CEP295: variants seen among roughly 807,000 people sequenced by gnomAD.
CEP295 encodes the protein centrosomal protein of 295 kDa.
A neutral mutation model predicts 291.6 loss-of-function variants in CEP295; 190 were observed. The ratio of observed to expected loss-of-function variants is 0.65; its 90% confidence interval spans 0.58 to 0.73. The LOEUF is 0.73. Among genes scored for constraint, CEP295 ranks in the 30% least tolerant of loss-of-function variants. The pLI is 0.00. For missense variants in CEP295, 2,863 were observed against 2,949.4 expected (o/e 0.97, Z 0.68); for synonymous variants, 993 against 1,038.8 (o/e 0.96, Z 0.85).
In CEP295 at chr11:93,727,036, A is replaced by G. The variant is rs1292355509; in HGVS notation, c.6560A>G (p.His2187Arg). 5 of 1,551,210 alleles carry G rather than the reference A, an allele frequency of 3.2e-6. No individual in the cohort carries two copies. Among genetic ancestry groups the G allele is most frequent in the South Asian group, 2.4e-5 (2 of 83,746 alleles). The change falls in exon 24 of 30, where the codon CAT (histidine) becomes CGT (arginine). Residue 2187 changes from histidine to arginine, a missense_variant. Physicochemically the swap from His to Arg is conservative, Grantham distance 29. Around this residue, in one of 3 missense-constraint regions of CEP295, gnomAD observed 2,295 missense variants for 2,335.7 expected, o/e 0.98. Transcript: ENST00000325212. ...TATTCTTCACAGGAGGAGAGCCAGC[A>G]TGCTGATCTACCAAGTATTTTTAGC... ...PEYSSQEESQ[H>R]ADLPSIFSIE...
chr11:93,713,998 T>A (rs558694360), intron 18 of CEP295, among the ~76,000 whole-genome samples: 68 of 152,314 alleles, frequency 4.5e-4, no homozygotes, highest in African/African-American at 1.6e-3. Flanking sequence ...AATTTCTGCT[T>A]GATTCTTTTT....
chr11:93,698,760 C>T lies in CEP295; in HGVS notation c.3848C>T (p.Ser1283Phe), dbSNP rs997093504. The change falls in exon 15 of 30, where the codon TCT becomes TTT. Residue 1283 changes from serine (S) to phenylalanine (F), a missense_variant. Ser to Phe is a radical substitution (Grantham distance 155). Coordinates refer to ENST00000325212, the MANE Select transcript of CEP295 (RefSeq NM_033395.2). ...FSQKTQENTS[S>F]EQTGSSSFIP... is the part of the protein sequence containing the mutation. ...CAGAAAACCCAAGAAAATACATCTT[C>T]TGAACAAACTGGTTCATCTTCATTC... is the stretch of plus-strand genomic sequence containing the variant. 6.4e-7 allele frequency: 1 copy of T among 1,551,706 alleles called. No individual in the cohort carries two copies. The highest frequency in any genetic ancestry group is 2.0e-5 in the Admixed American group (1 of 50,990).
intron 15 of CEP295, 54 bp downstream of exon 15, chr11:93,700,240 GT>G: frequency 1.4e-6 from 2 of 1,387,836 alleles, no homozygotes; most frequent in Non-Finnish European, 1.9e-6. Context: ...ACCCAAATCA[GT>G]TTTTAATACT....
Position 93,695,608 on chromosome 11 carries a change from A to G in CEP295, c.1645A>G (p.Lys549Glu), listed in dbSNP as rs1951806344. ...CTTCAGGGCTCAGCTGGAAGAAGAA[A>G]AAAGAAAAAAAACTCAACCGACTGG... The part of the protein sequence containing the change: ...DCFRAQLEEE[K>E]RKKTQPTGVG... The change falls in exon 13 of 30, where the codon AAA becomes GAA. Residue 549 changes from lysine (K) to glutamate (E), a missense_variant. Physicochemically the swap from Lys to Glu is moderately conservative, Grantham distance 56. Coordinates refer to ENST00000325212, the MANE Select transcript of CEP295 (RefSeq NM_033395.2). 2.7e-6 allele frequency: 4 copies of G among 1,498,296 alleles called. No individual in the cohort carries two copies. The South Asian group carries it at 5.4e-5, about 20-fold the overall frequency. 92.8% of individuals were successfully genotyped at this position (1,498,296 alleles called of 1,614,324 possible).
Position 93,725,713 on chromosome 11 carries a change from C to T in CEP295, c.6381C>T (p.Phe2127=). 6.4e-7 allele frequency: 1 copy of T among 1,551,780 alleles called. No individual in the cohort carries two copies. The highest frequency in any genetic ancestry group is 8.7e-7 in the Non-Finnish European group (1 of 1,146,970). The part of the protein sequence containing the change: ...ATGLSKSTVY[F]TALRRTSMHS... The stretch of plus-strand genomic sequence containing the variant: ...GATTATCCAAAAGTACAGTTTATTT[C>T]ACAGCACTGAGGAGGACCAGCATGC... The change falls in exon 23 of 30, where the codon TTC becomes TTT. Residue 2127 remains phenylalanine (F), a synonymous_variant. Transcript: ENST00000325212.
intron 10 of CEP295, among the ~76,000 whole-genome samples, chr11:93,690,777 C>A (rs892977848): frequency 6.7e-6 from 1 of 148,328 alleles, no homozygotes; most frequent in Non-Finnish European, 1.5e-5. Context: ...TATGAGCAGG[C>A]TTTCACCATT....
intron 15 of CEP295, among the ~76,000 whole-genome samples, chr11:93,700,570 CAT>C (rs1276746252): frequency 6.6e-6 from 1 of 151,256 alleles, no homozygotes; most frequent in African/African-American, 2.4e-5. Flanking sequence ...GGATTACAGA[CAT>C]GTACCACCAT....
At position 93,714,529 on chromosome 11, in the gene CEP295, G is replaced by A. The variant is rs371311333; in HGVS notation, c.5750-6783G>A. On this transcript the variant is annotated intron_variant, in intron 18 of 29. Coordinates refer to ENST00000325212, the MANE Select transcript of CEP295 (RefSeq NM_033395.2). ...CTCCCAAAATGCTGGGATTACAGGC[G>A]TGAGCCACCATGCCCTGCCAAGAGT... is the stretch of plus-strand genomic sequence containing the variant. Among the ~76,000 whole-genome samples the A allele has an allele frequency of 9.3e-4, 142 of 152,330 alleles. 1 individual carries two copies. The highest frequency in any genetic ancestry group is 1.1e-3 in the Non-Finnish European group (73 of 68,036).
At chr11:93,693,292 T>G (rs1951682817) in intron 12 of CEP295, among the ~76,000 whole-genome samples, 1 of 151,850 alleles carries the variant, frequency 6.6e-6, no homozygotes. Context: ...AAAAAAATCC[T>G]CCTTAACTTA....
chr11:93,687,774 G>T lies in CEP295; in HGVS notation c.1245G>T (p.Thr415=). 6.4e-7 allele frequency: 1 copy of T among 1,551,236 alleles called. No homozygotes were observed. Among genetic ancestry groups the T allele is most frequent in the South Asian group, 1.2e-5 (1 of 84,028 alleles). ...SMSEDESEMI[T]TVSEIESKAP... The stretch of plus-strand genomic sequence containing the variant: ...CTGAGGATGAAAGTGAAATGATTAC[G>T]ACTGTTAGTGAAATTGAGAGTAAAG... Residue 415 remains threonine (T), a synonymous_variant, in exon 10 of 30, where the codon ACG becomes ACT. Transcript: ENST00000325212.
intron 7 of CEP295, among the ~76,000 whole-genome samples, chr11:93,682,560 A>G (rs1377018423): frequency 1.3e-5 from 2 of 151,592 alleles, no homozygotes; most frequent in Non-Finnish European, 2.9e-5. Flanking sequence ...TCTCTACGTT[A>G]TAGTAGACTT....
chr11:93,728,883 A>G, intron 25 of CEP295, 62 bp downstream of exon 25: 2 of 1,408,982 alleles, frequency 1.4e-6, no homozygotes, highest in Non-Finnish European at 1.9e-6. Flanking sequence ...TTTGTCTCTT[A>G]CAACTTATCA....
chr11:93,725,550 T>A, intron 22 of CEP295, 101 bp from the exon 23 acceptor site: 1 of 932,966 alleles, frequency 1.1e-6, no homozygotes, highest in Non-Finnish European at 1.5e-6. Flanking sequence ...CATAGTGAAG[T>A]GATAATTAAG....
At chr11:93,704,620 G>A (rs796360196) in intron 17 of CEP295, among the ~76,000 whole-genome samples, 11 of 152,262 alleles carry the variant, frequency 7.2e-5, no homozygotes, top group African/African-American at 2.6e-4. Context: ...TGAACTACCA[G>A]GCCCTCATGA....
intron 1 of CEP295, among the ~76,000 whole-genome samples, chr11:93,665,198 G>A (rs1950151577): frequency 6.6e-6 from 1 of 152,228 alleles, no homozygotes. Context: ...GATTGTCTCA[G>A]ATAAAATGCT....
intron 1 of CEP295, 33 bp from the exon 2 acceptor site, chr11:93,666,649 T>C: frequency 1.2e-6 from 1 of 821,620 alleles, no homozygotes. Context: ...AATGTTACAT[T>C]ATTTTTATAG....
intron 18 of CEP295, among the ~76,000 whole-genome samples, chr11:93,718,604 G>A (rs1199181402): frequency 6.6e-6 from 1 of 152,114 alleles, no homozygotes. Flanking sequence ...TACCTCCACT[G>A]AGGGAGTCTT....
Position 93,730,307 on chromosome 11 carries a change from T to G in CEP295, c.*38T>G. The G allele has an allele frequency of 7.4e-7, 1 of 1,358,500 alleles. No individual in the cohort carries two copies. Among genetic ancestry groups the G allele is most frequent in the Non-Finnish European group, 1.0e-6 (1 of 976,546 alleles). The allele number at this position is 1,358,500 out of a possible 1,614,324, so 84.2% of individuals were successfully genotyped here. ...AGTGTAAAGGTTTTTTAATTGTGTA[T>G]ATGTAGCATTAGACAAAATTATTTA... On this transcript the variant is annotated 3_prime_UTR_variant, in exon 30 of 30. Transcript: ENST00000325212.
rs369949121 is a variant in CEP295 at position 93,697,712 on chromosome 11, G to T, written c.2800G>T (p.Asp934Tyr). 5 of 1,551,504 alleles carry T rather than the reference G, an allele frequency of 3.2e-6. No homozygotes were observed. The highest frequency in any genetic ancestry group is 4.4e-6 in the Non-Finnish European group (5 of 1,147,000). ...CCATCATGTGATCTCACAACTTCAG[G>T]ATAAGCGTTTGAGTCTTTCACAGCC... ...SDHHVISQLQ[D>Y]KRLSLSQPIL... is the part of the protein sequence containing the mutation. Residue 934 changes from aspartate (D) to tyrosine (Y), a missense_variant, in exon 15 of 30, where the codon GAT becomes TAT. Coordinates refer to ENST00000325212, the MANE Select transcript of CEP295 (RefSeq NM_033395.2).
Sources: gnomAD v4.1 joint callset for allele counts (sites outside exome capture counted in the v4.1 genomes callset) on GRCh38, gnomAD v4.1.1 for gene constraint, gnomAD v4.1.1 regional missense constraint, MANE v1.5 for transcripts, NCBI Gene and HGNC (gene_info 2026-07-23, HGNC 2026-07-21) for gene names.